FRRS1: variants seen among roughly 807,000 people sequenced by gnomAD.
The protein encoded by FRRS1 is ferric reductase 1.
A neutral mutation model predicts 70.7 loss-of-function variants in FRRS1; 51 were observed. That is an observed-to-expected ratio of 0.72 (90% CI 0.58 to 0.91). The LOEUF (loss-of-function observed/expected upper bound fraction) is 0.91, where lower values mean the gene tolerates loss of function less well. Ranked by LOEUF, FRRS1 falls within the 40% of genes least tolerant of loss-of-function variation. The pLI is 0.00. For synonymous variants in FRRS1, 225 were observed against 238.7 expected (o/e 0.94, Z 0.53); for missense variants, 672 against 726.0 (o/e 0.93, Z 0.86).
In FRRS1 at chr1:99,747,352, C is replaced by A. The variant is rs1656325804; in HGVS notation, c.275G>T (p.Gly92Val). The change falls in exon 4 of 17, where the codon GGC (glycine) becomes GTC (valine). Residue 92 changes from glycine (G) to valine (V), a missense_variant. Coordinates refer to ENST00000646001, the MANE Select transcript of FRRS1 (RefSeq NM_001361041.2). ...NAEDLNGPPI[G>V]SFTLIDSEVS... ...TTCACTGTCAATCAATGTGAAGGAGCCAATAGGAGGGCCATTCAGATCCTC... is the reference window on the plus strand; with the variant it reads ...TTCACTGTCAATCAATGTGAAGGAGACAATAGGAGGGCCATTCAGATCCTC... 2 of 1,613,796 alleles carry A rather than the reference C, an allele frequency of 1.2e-6. No individual in the cohort carries two copies. Among genetic ancestry groups the A allele is most frequent in the African/African-American group, 2.7e-5 (2 of 74,974 alleles).
intron 1 of FRRS1, among the ~76,000 whole-genome samples, chr1:99,750,336 T>C (rs898105921): frequency 2.6e-5 from 4 of 152,178 alleles, no homozygotes; most frequent in Non-Finnish European, 5.9e-5. Context: ...TCATGTCCAG[T>C]TATTAAGAAC....
chr1:99,743,296 CAGAG>C (rs1019919231), intron 4 of FRRS1, among the ~76,000 whole-genome samples: 20 of 152,274 alleles, frequency 1.3e-4, no homozygotes, highest in African/African-American at 1.7e-4. Flanking sequence ...AAAAAACTGA[CAGAG>C]AGCAATTTCA....
chr1:99,747,069 C>T (rs2100979699), intron 4 of FRRS1, among the ~76,000 whole-genome samples: 1 of 151,654 alleles, frequency 6.6e-6, no homozygotes, highest in African/African-American at 2.4e-5. Flanking sequence ...AGATTTTTCT[C>T]TTGTCTAGCT....
rs1654017010 is a variant in FRRS1 at position 99,705,641 on chromosome 1, A to C, written c.*3387T>G. Among the ~76,000 whole-genome samples the C allele has an allele frequency of 6.6e-6, 1 of 152,192 alleles. No homozygotes were observed. The highest frequency in any genetic ancestry group is 2.4e-5 in the African/African-American group (1 of 41,446). On this transcript the variant is annotated 3_prime_UTR_variant, in exon 17 of 17. Transcript: ENST00000646001. ...AGGTATTGCTTAACACACATTAGAG[A>C]CAAAATCCTTGACAAAAATAAAGTA...
intron 4 of FRRS1, among the ~76,000 whole-genome samples, chr1:99,745,561 A>T (rs4908015): frequency 0.49 from 75,016 of 151,770 alleles, 22,540 homozygotes; most frequent in African/African-American, 0.85. Flanking sequence ...GTGGGCGCCT[A>T]TAATCCCAGC....
intron 15 of FRRS1, 112 bp downstream of exon 15, chr1:99,710,694 T>C: frequency 2.2e-6 from 2 of 897,420 alleles, no homozygotes; most frequent in Non-Finnish European, 3.3e-6. Context: ...TGATCACAAG[T>C]TTTTAGTGAG....
At chr1:99,730,431 T>C (rs1164291063) in intron 7 of FRRS1, among the ~76,000 whole-genome samples, 1 of 152,134 alleles carries the variant, frequency 6.6e-6, no homozygotes, top group Non-Finnish European at 1.5e-5. Flanking sequence ...TTCTTTAAAG[T>C]GATAATCAAG....
chr1:99,762,945 T>C (rs1430232618), intron 1 of FRRS1, among the ~76,000 whole-genome samples: 4 of 152,178 alleles, frequency 2.6e-5, no homozygotes, highest in Non-Finnish European at 4.4e-5. Context: ...GAAGACTTCA[T>C]TACCTTCACT....
chr1:99,726,483 C>T (rs1571113197), intron 9 of FRRS1, among the ~76,000 whole-genome samples: 1 of 152,118 alleles, frequency 6.6e-6, no homozygotes, highest in Non-Finnish European at 1.5e-5. Context: ...TGATTTTGAA[C>T]AAGTTGCTTG....
Position 99,748,764 on chromosome 1 carries a change from G to A in FRRS1, c.5C>T (p.Ala2Val), listed in dbSNP as rs1357060678. 1.9e-6 allele frequency: 3 copies of A among 1,611,528 alleles called. No homozygotes were observed. The highest frequency in any genetic ancestry group is 4.5e-5 in the East Asian group (2 of 44,832). The change falls in exon 3 of 17, where the codon GCA becomes GTA. Residue 2 changes from alanine to valine, a missense_variant. Physicochemically the swap from Ala to Val is moderately conservative, Grantham distance 64. Transcript: ENST00000646001. M[A>V]VSGFTLGTCI... ...GGTACCAAGAGTAAATCCAGAAACT[G>A]CCATCTCAAAAAGAAGGGTAAAAGC...
In FRRS1 at chr1:99,708,849, T is replaced by C; in HGVS notation, c.*179A>G. The C allele has an allele frequency of 7.7e-7, 1 of 1,296,834 alleles. No homozygotes were observed. Among genetic ancestry groups the C allele is most frequent in the Middle Eastern group, 1.8e-4 (1 of 5,444 alleles). The allele number at this position is 1,296,834 out of a possible 1,614,324, so 80.3% of individuals were successfully genotyped here. A position where few individuals can be genotyped will look rare whatever the true frequency, so the allele number is the denominator to read the frequency against. ...GGGCATGACATTAATTTATAGTCTA[T>C]ATGACCCTCTTGAATGTTGTTCTCT... On this transcript the variant is annotated 3_prime_UTR_variant, in exon 17 of 17. Transcript: ENST00000646001.
intron 9 of FRRS1, among the ~76,000 whole-genome samples, chr1:99,721,582 T>C (rs1654825457): frequency 6.6e-6 from 1 of 151,070 alleles, no homozygotes; most frequent in African/African-American, 2.4e-5. Context: ...TGGAGAGTAA[T>C]AACAATAGAA....
intron 15 of FRRS1, 47 bp downstream of exon 15, chr1:99,710,759 T>C: frequency 6.4e-7 from 1 of 1,554,122 alleles, no homozygotes; most frequent in Non-Finnish European, 8.8e-7. Flanking sequence ...TTTCCAATGG[T>C]TTGTATAGAA....
chr1:99,715,598 TC>T lies in FRRS1; in HGVS notation c.1310del (p.Gly437GlufsTer16). The T allele has an allele frequency of 6.2e-7, 1 of 1,608,334 alleles. No homozygotes were observed. Among genetic ancestry groups the T allele is most frequent in the Middle Eastern group, 1.7e-4 (1 of 6,044 alleles). On this transcript the variant is annotated frameshift_variant, in exon 12 of 17. Transcript: ENST00000646001. LOFTEE classifies it high-confidence loss of function. ...IAFVMPFIYR[G>X]GWSRHAGYHP... ...AAGATATACTTACCCTACTCCAGCCTCCCCTGTATATAAACGGCATAACAAA... is the reference window on the plus strand; with the variant it reads ...AAGATATACTTACCCTACTCCAGCCTCCCTGTATATAAACGGCATAACAAA...
intron 1 of FRRS1, among the ~76,000 whole-genome samples, chr1:99,762,094 A>C (rs185148913): frequency 6.6e-6 from 1 of 152,362 alleles, no homozygotes; most frequent in African/African-American, 2.4e-5. Context: ...CAAACTATCC[A>C]TAGCTTCAAA....
In FRRS1 at chr1:99,756,712, T is replaced by C. The variant is rs148666700; in HGVS notation, c.-105-7711A>G. On this transcript the variant is annotated intron_variant, in intron 1 of 16. Transcript: ENST00000646001. ...TTAGTATTGTGCAACTCTAAGAACA[T>C]GTGAGAATAAGAAAAAAGAAGGAAA... 7.4e-3 allele frequency among the ~76,000 whole-genome samples: 1,125 copies of C among 152,254 alleles called. 7 individuals are homozygous for C. Among genetic ancestry groups the C allele is most frequent in the Non-Finnish European group, 0.01 (695 of 67,992 alleles).
At chr1:99,730,112 T>C (rs1440983861) in intron 7 of FRRS1, among the ~76,000 whole-genome samples, 1 of 152,174 alleles carries the variant, frequency 6.6e-6, no homozygotes, top group Non-Finnish European at 1.5e-5. Context: ...TGGGAAAATA[T>C]AGAGTTCTGT....
At chr1:99,752,759 AAAATAAC>A (rs1481437729) in intron 1 of FRRS1, among the ~76,000 whole-genome samples, 5 of 152,112 alleles carry the variant, frequency 3.3e-5, no homozygotes, top group African/African-American at 1.2e-4. Context: ...TTTTTAATTA[AAAATAAC>A]AAATAACAAA....
At chr1:99,746,435 T>A (rs907237307) in intron 4 of FRRS1, among the ~76,000 whole-genome samples, 4 of 152,166 alleles carry the variant, frequency 2.6e-5, no homozygotes, top group Admixed American at 2.0e-4. Flanking sequence ...TGTATCTAGA[T>A]GTTGTGCATG....
Sources: gnomAD v4.1 joint callset for allele counts (sites outside exome capture counted in the v4.1 genomes callset) on GRCh38, gnomAD v4.1.1 for gene constraint, MANE v1.5 for transcripts, NCBI Gene and HGNC (gene_info 2026-07-23, HGNC 2026-07-21) for gene names.